Variants in DGKB observed in about 807,000 individuals in gnomAD.
The protein encoded by DGKB is diacylglycerol kinase beta.
In DGKB, 67 loss-of-function variants were observed where a neutral mutation model predicts 114.3. The ratio of observed to expected loss-of-function variants is 0.59; its 90% CI spans 0.48 to 0.72. The LOEUF is 0.72. Ranked by LOEUF, DGKB falls within the 30% of genes least tolerant of loss-of-function variation. The pLI is 0.00. For synonymous variants in DGKB, 398 were observed against 323.1 expected, an observed-to-expected ratio of 1.23 and a Z score of -2.49; for missense variants, 907 against 975.2, an observed-to-expected ratio of 0.93 and a Z score of 0.93.
At chr7:14,825,031 T>TA (rs1250790440) in intron 2 of DGKB, among the ~76,000 whole-genome samples, 1 of 138,978 alleles carries the variant, frequency 7.2e-6, no homozygotes, top group Non-Finnish European at 1.6e-5. Flanking sequence ...TATATATATA[T>TA]ATATATATAT....
At chr7:14,210,960 A>G (rs1787678062) in intron 23 of DGKB, among the ~76,000 whole-genome samples, 1 of 151,976 alleles carries the variant, frequency 6.6e-6, no homozygotes, top group Non-Finnish European at 1.5e-5. Flanking sequence ...CCATCTGAAT[A>G]TATTGATCCA....
intron 23 of DGKB, among the ~76,000 whole-genome samples, chr7:14,218,115 T>C (rs1789298257): frequency 6.6e-6 from 1 of 152,064 alleles, no homozygotes; most frequent in Non-Finnish European, 1.5e-5. Flanking sequence ...TTCGTGTTCA[T>C]AACACTTAAG....
intron 21 of DGKB, among the ~76,000 whole-genome samples, chr7:14,380,745 G>A (rs1414180788): frequency 2.6e-5 from 4 of 152,076 alleles, no homozygotes; most frequent in Non-Finnish European, 4.4e-5. Context: ...TGCTGTAATA[G>A]TATATATTTT....
intron 21 of DGKB, among the ~76,000 whole-genome samples, chr7:14,400,197 C>T (rs1822881714): frequency 6.6e-6 from 1 of 151,768 alleles, no homozygotes; most frequent in Non-Finnish European, 1.5e-5. Context: ...CCTTGTGACT[C>T]TCAGTAATGC....
At chr7:14,342,211 T>A (rs1210401890) in intron 22 of DGKB, among the ~76,000 whole-genome samples, 1 of 151,846 alleles carries the variant, frequency 6.6e-6, no homozygotes, top group Non-Finnish European at 1.5e-5. Context: ...TTACAATAAA[T>A]CAGTACTTTG....
intron 4 of DGKB, among the ~76,000 whole-genome samples, chr7:14,744,661 CT>C (rs1833013498): frequency 6.6e-6 from 1 of 152,146 alleles, no homozygotes; most frequent in Non-Finnish European, 1.5e-5. Flanking sequence ...AATAATTATT[CT>C]TGCTGCACTT....
At chr7:14,171,960 C>G (rs1033624842) in intron 25 of DGKB, among the ~76,000 whole-genome samples, 2 of 152,068 alleles carry the variant, frequency 1.3e-5, no homozygotes, top group African/African-American at 4.8e-5. Flanking sequence ...ACTGAGAATT[C>G]CAACGTAATG....
chr7:14,293,572 C>G (rs1325282605), intron 23 of DGKB, among the ~76,000 whole-genome samples: 1 of 152,148 alleles, frequency 6.6e-6, no homozygotes. Context: ...CATAAATCAT[C>G]TGTCATGTCA....
At chr7:14,409,424 G>GAATTGTTTGATATGTACTGTAGATT (rs1583716004) in intron 21 of DGKB, among the ~76,000 whole-genome samples, 1 of 74,906 alleles carries the variant, frequency 1.3e-5, no homozygotes. Context: ...AGAAAAAGTT[G>GAATTGTTTGATATGTACTGTAGATT]AGGCCGGGCG....
intron 1 of DGKB, among the ~76,000 whole-genome samples, chr7:14,853,845 G>A (rs1849730001): frequency 7.2e-6 from 1 of 137,954 alleles, no homozygotes; most frequent in African/African-American, 2.7e-5. Context: ...TTCAGCCTGG[G>A]CGACAGACCG....
rs1249934872 is a variant in DGKB, at chr7:14,503,307, T to A, written c.1771-25082A>T. ...CTCTTTTGAAAAACTAACTCCACAT[T>A]TGTGTGTCTGTCATCTCCAAGACTA... On this transcript the variant is annotated intron_variant, in intron 20 of 25. Coordinates refer to ENST00000402815, the MANE Select transcript of DGKB (RefSeq NM_001350709.2). Among the ~76,000 whole-genome samples the A allele has an allele frequency of 8.5e-5, 13 of 152,146 alleles. 1 individual carries two copies. The highest frequency in any genetic ancestry group is 8.5e-4 in the Admixed American group (13 of 15,256).
At chr7:14,495,046 T>G (rs1785102581) in intron 20 of DGKB, among the ~76,000 whole-genome samples, 1 of 151,876 alleles carries the variant, frequency 6.6e-6, no homozygotes, top group African/African-American at 2.4e-5. Context: ...TTATTTATTT[T>G]CTGTTGCTTA....
chr7:14,309,767 C>A (rs1280967589), intron 23 of DGKB, among the ~76,000 whole-genome samples: 2 of 152,148 alleles, frequency 1.3e-5, no homozygotes, highest in African/African-American at 4.8e-5. Flanking sequence ...TACTGAATGT[C>A]AAATACCAGC....
intron 23 of DGKB, among the ~76,000 whole-genome samples, chr7:14,305,039 A>G (rs771235906): frequency 2.6e-5 from 4 of 152,160 alleles, no homozygotes; most frequent in Non-Finnish European, 4.4e-5. Flanking sequence ...TGAGGTACAT[A>G]TGATATTTTC....
At chr7:14,263,483 C>G (rs1797057161) in intron 23 of DGKB, among the ~76,000 whole-genome samples, 1 of 152,166 alleles carries the variant, frequency 6.6e-6, no homozygotes, top group Non-Finnish European at 1.5e-5. Context: ...ATGCCATTTT[C>G]TCTTTTGCCT....
intron 2 of DGKB, among the ~76,000 whole-genome samples, chr7:14,805,582 A>G (rs944217775): frequency 6.6e-6 from 1 of 152,054 alleles, no homozygotes; most frequent in Admixed American, 6.6e-5. Context: ...AGCAAAGTCC[A>G]ACATGTGTGC....
At chr7:14,676,628 C>A (rs1389040055) in intron 12 of DGKB, among the ~76,000 whole-genome samples, 1 of 152,032 alleles carries the variant, frequency 6.6e-6, no homozygotes, top group Non-Finnish European at 1.5e-5. Flanking sequence ...GTTGCTTAAA[C>A]TTATCATCAT....
At chr7:14,259,469 C>G (rs1386770303) in intron 23 of DGKB, among the ~76,000 whole-genome samples, 1 of 151,872 alleles carries the variant, frequency 6.6e-6, no homozygotes, top group East Asian at 1.9e-4. Flanking sequence ...CTCTGTCACG[C>G]AGGCTGGAGT....
intron 23 of DGKB, among the ~76,000 whole-genome samples, chr7:14,252,477 C>G (rs1795382087): frequency 6.6e-6 from 1 of 152,172 alleles, no homozygotes; most frequent in Admixed American, 6.5e-5. Context: ...GAAAACTCTT[C>G]ACAAGTCAGC....
Sources: allele counts gnomAD v4.1 joint callset (sites outside exome capture counted in the v4.1 genomes callset), GRCh38; gene constraint gnomAD v4.1.1; transcripts MANE v1.5; gene names NCBI Gene and HGNC (gene_info 2026-07-23, HGNC 2026-07-21).